NDUFA9: variants seen among roughly 807,000 people sequenced by gnomAD.
NDUFA9 encodes NADH dehydrogenase [ubiquinone] 1 alpha subcomplex subunit 9, mitochondrial.
NDUFA9 carries 23 observed loss-of-function variants against 45.9 expected under a neutral mutation model. The observed-to-expected ratio is 0.50, with a 90% CI of 0.36 to 0.71. The LOEUF is 0.71. NDUFA9 is among the 30% of genes least tolerant of loss of function. The pLI, the probability that NDUFA9 is intolerant of heterozygous loss-of-function variation, is 0.00. For missense variants in NDUFA9, 466 were observed against 488.2 expected (o/e 0.95, Z 0.43); for synonymous variants, 176 against 170.5 (o/e 1.03, Z -0.25).
intron 1 of NDUFA9, among the ~76,000 whole-genome samples, chr12:4,649,638 T>C (rs1316712570): frequency 6.6e-6 from 1 of 152,128 alleles, no homozygotes; most frequent in Non-Finnish European, 1.5e-5. Context: ...AATATTACAA[T>C]ACCAGGGAGT....
At chr12:4,678,330 A>G (rs4766271) in intron 8 of NDUFA9, among the ~76,000 whole-genome samples, 138,847 of 152,030 alleles carry the variant, frequency 0.91, 63,646 homozygotes, top group Middle Eastern at 0.98. Flanking sequence ...TAAATAAAAG[A>G]GTTATAAAAC....
At chr12:4,668,639 G>T in intron 7 of NDUFA9, 115 bp downstream of exon 7, 1 of 932,166 alleles carries the variant, frequency 1.1e-6, no homozygotes, top group Non-Finnish European at 1.7e-6. Flanking sequence ...TTGTCAACTT[G>T]TGTCAGCTAG....
intron 8 of NDUFA9, among the ~76,000 whole-genome samples, chr12:4,671,625 A>T (rs773548223): frequency 9.9e-5 from 15 of 152,120 alleles, no homozygotes; most frequent in Non-Finnish European, 2.1e-4. Flanking sequence ...TAATGCAAAG[A>T]CCCACAATAG....
intron 6 of NDUFA9, among the ~76,000 whole-genome samples, chr12:4,667,016 G>A (rs118103642): frequency 1.6e-3 from 249 of 152,324 alleles, no homozygotes; most frequent in Non-Finnish European, 2.7e-3. Flanking sequence ...CAAACGTTGA[G>A]TAATTTATAA....
chr12:4,684,663 A>G (rs562115373), intron 9 of NDUFA9, among the ~76,000 whole-genome samples: 48 of 152,300 alleles, frequency 3.2e-4, no homozygotes, highest in Admixed American at 2.9e-3. Context: ...TGATGATGGG[A>G]GCTCAAGTGG....
intron 1 of NDUFA9, chr12:4,653,823 T>C: frequency 3.1e-6 from 1 of 320,284 alleles, no homozygotes; most frequent in East Asian, 9.3e-5. Flanking sequence ...CTTTTGCTGT[T>C]GCCCTGTGCT....
At chr12:4,657,677 G>T in intron 3 of NDUFA9, 71 bp from the exon 4 acceptor site, 1 of 1,087,342 alleles carries the variant, frequency 9.2e-7, no homozygotes, top group East Asian at 2.4e-5. Flanking sequence ...CTTGCATTGA[G>T]GAGGCTGCAG....
chr12:4,655,443 A>G (rs925302651), intron 3 of NDUFA9: 3 of 152,388 alleles, frequency 2.0e-5, no homozygotes, highest in South Asian at 2.1e-4. Flanking sequence ...ACTAGATTTC[A>G]AAGACTCAGT....
At chr12:4,676,297 T>C (rs956058206) in intron 8 of NDUFA9, among the ~76,000 whole-genome samples, 1 of 152,054 alleles carries the variant, frequency 6.6e-6, no homozygotes, top group Non-Finnish European at 1.5e-5. Context: ...CTGGGACAAT[T>C]AGGCAAGAGA....
chr12:4,689,292 A>T lies in NDUFA9; in HGVS notation c.*2184A>T, dbSNP rs1219878088. On this transcript the variant is annotated 3_prime_UTR_variant, in exon 11 of 11. Coordinates refer to ENST00000266544, the MANE Select transcript of NDUFA9 (RefSeq NM_005002.5). ...TCTCAGGATGCTGTATATTTCTTTT[A>T]TTTTTTATTTTTTATTTTTTTATTT... 8.4e-6 allele frequency: 1 copy of T among 119,702 alleles called. No homozygotes were observed. Among genetic ancestry groups the T allele is most frequent in the East Asian group, 2.0e-4 (1 of 4,896 alleles). 7.4% of individuals were successfully genotyped at this position (119,702 alleles called of 1,614,324 possible).
intron 1 of NDUFA9, among the ~76,000 whole-genome samples, chr12:4,649,642 A>C (rs2137458330): frequency 6.6e-6 from 1 of 152,284 alleles, no homozygotes; most frequent in Non-Finnish European, 1.5e-5. Flanking sequence ...TTACAATACC[A>C]GGGAGTCTCT....
intron 8 of NDUFA9, among the ~76,000 whole-genome samples, chr12:4,680,324 G>A (rs1193570063): frequency 1.3e-5 from 2 of 152,202 alleles, no homozygotes; most frequent in Admixed American, 6.5e-5. Context: ...CTCAGAGAAG[G>A]CACATGTTTG....
At chr12:4,657,715 A>G (rs1452681627) in intron 3 of NDUFA9, 33 bp from the exon 4 acceptor site, 1 of 1,520,154 alleles carries the variant, frequency 6.6e-7, no homozygotes, top group African/African-American at 1.4e-5. Flanking sequence ...GTATACCCCT[A>G]TGTTTTCATC....
intron 1 of NDUFA9, among the ~76,000 whole-genome samples, chr12:4,653,095 A>G (rs1945768642): frequency 6.6e-6 from 1 of 152,268 alleles, no homozygotes; most frequent in East Asian, 1.9e-4. Context: ...TTTTGTTTCT[A>G]CTTACATGAA....
At chr12:4,660,316 G>T (rs572921301) in intron 5 of NDUFA9, among the ~76,000 whole-genome samples, 2 of 152,324 alleles carry the variant, frequency 1.3e-5, no homozygotes, top group African/African-American at 4.8e-5. Context: ...GTAATTCTGA[G>T]TGCAGCAAAG....
chr12:4,649,820 A>G (rs1048927850), intron 1 of NDUFA9, among the ~76,000 whole-genome samples: 1 of 152,182 alleles, frequency 6.6e-6, no homozygotes, highest in African/African-American at 2.4e-5. Flanking sequence ...AATGAAGGCT[A>G]TGTTAGAATT....
chr12:4,668,997 T>C (rs2137474729), intron 7 of NDUFA9, among the ~76,000 whole-genome samples: 1 of 151,948 alleles, frequency 6.6e-6, no homozygotes, highest in Non-Finnish European at 1.5e-5. Flanking sequence ...ATGAAAGGAG[T>C]TGGGGAAGAG....
intron 2 of NDUFA9, 41 bp downstream of exon 2, chr12:4,654,503 G>A (rs753019597): frequency 1.9e-5 from 30 of 1,599,236 alleles, no homozygotes; most frequent in Non-Finnish European, 2.5e-5. Flanking sequence ...CATTGCCATT[G>A]ATCAGGATTG....
Position 4,687,326 on chromosome 12 carries a change from A to G in NDUFA9, c.*218A>G, listed in dbSNP as rs1945994101. ...TTTGTTAAACATATTTAATAATGAT[A>G]TATATACTATTTATTCTCTGAAATG... On this transcript the variant is annotated 3_prime_UTR_variant, in exon 11 of 11. Transcript: ENST00000266544. 2.5e-6 allele frequency: 1 copy of G among 395,688 alleles called. No homozygotes were observed. The highest frequency in any genetic ancestry group is 4.4e-6 in the Non-Finnish European group (1 of 225,868). The allele number at this position is 395,688 out of a possible 1,614,324, so 24.5% of individuals were successfully genotyped here.
Sources: allele counts gnomAD v4.1 joint callset (sites outside exome capture counted in the v4.1 genomes callset), GRCh38; gene constraint gnomAD v4.1.1; transcripts MANE v1.5; gene names NCBI Gene and HGNC (gene_info 2026-07-23, HGNC 2026-07-21).